Variants in PTPRK observed in about 807,000 individuals in gnomAD.
PTPRK encodes receptor-type tyrosine-protein phosphatase kappa.
A neutral mutation model predicts 178.0 loss-of-function variants in PTPRK; 75 were observed. The ratio of observed to expected loss-of-function variants is 0.42; its 90% confidence interval spans 0.35 to 0.51. The LOEUF (loss-of-function observed/expected upper bound fraction) is 0.51, where lower values mean the gene tolerates loss of function less well. PTPRK is among the 20% of genes least tolerant of loss of function. The pLI, the probability that PTPRK is intolerant of heterozygous loss-of-function variation, is 0.02. For missense variants in PTPRK, 1,441 were observed against 1,797.8 expected (o/e 0.80, Z 3.59); for synonymous variants, 637 against 620.6 (o/e 1.03, Z -0.39).
chr6:128,066,835 T>C (rs922916906), intron 12 of PTPRK, among the ~76,000 whole-genome samples: 6 of 152,198 alleles, frequency 3.9e-5, no homozygotes, highest in African/African-American at 1.2e-4. Flanking sequence ...TCGTTTCTAA[T>C]GTCCTGTTGT....
At chr6:128,167,699 T>C (rs1422325363) in intron 7 of PTPRK, among the ~76,000 whole-genome samples, 1 of 152,046 alleles carries the variant, frequency 6.6e-6, no homozygotes, top group Admixed American at 6.6e-5. Context: ...AATACTCTAG[T>C]AGGGCAAGAT....
At chr6:128,018,122 T>G (rs1779823813) in intron 13 of PTPRK, among the ~76,000 whole-genome samples, 1 of 151,854 alleles carries the variant, frequency 6.6e-6, no homozygotes, top group Admixed American at 6.6e-5. Context: ...CAACTCACAC[T>G]AGGTCTGGAG....
At chr6:128,290,491 C>A (rs1353148589) in intron 3 of PTPRK, among the ~76,000 whole-genome samples, 2 of 152,036 alleles carry the variant, frequency 1.3e-5, no homozygotes, top group Non-Finnish European at 1.5e-5. Context: ...CCCAGTCCTA[C>A]CGTGTCAGAA....
At chr6:128,515,874 C>G (rs1270391255) in intron 1 of PTPRK, among the ~76,000 whole-genome samples, 2 of 152,168 alleles carry the variant, frequency 1.3e-5, no homozygotes, top group Non-Finnish European at 1.5e-5. Flanking sequence ...TGTTCACTGT[C>G]TTTAATACCA....
intron 15 of PTPRK, among the ~76,000 whole-genome samples, chr6:128,004,440 T>G (rs1778194329): frequency 6.6e-6 from 1 of 151,818 alleles, no homozygotes; most frequent in Admixed American, 6.6e-5. Flanking sequence ...AGCGGAAATA[T>G]TTTAAAAGCC....
intron 1 of PTPRK, among the ~76,000 whole-genome samples, chr6:128,407,653 A>AGAAG (rs1278585152): frequency 6.8e-6 from 1 of 147,628 alleles, no homozygotes; most frequent in African/African-American, 2.5e-5. Context: ...AAAAAAAAAA[A>AGAAG]AAGAAGAAGA....
intron 3 of PTPRK, among the ~76,000 whole-genome samples, chr6:128,297,676 A>G (rs1416424445): frequency 1.3e-5 from 2 of 152,216 alleles, no homozygotes; most frequent in African/African-American, 4.8e-5. Context: ...TTTGAAACCA[A>G]TGAGAACAAA....
At chr6:128,220,065 C>T (rs1810113037) in intron 5 of PTPRK, among the ~76,000 whole-genome samples, 2 of 151,712 alleles carry the variant, frequency 1.3e-5, no homozygotes, top group African/African-American at 4.8e-5. Flanking sequence ...TCAGCATATC[C>T]CAGACAAGAG....
intron 7 of PTPRK, among the ~76,000 whole-genome samples, chr6:128,171,952 CTCG>C (rs969081683): frequency 5.9e-5 from 9 of 151,896 alleles, no homozygotes; most frequent in African/African-American, 1.9e-4. Flanking sequence ...GCACTTCTAA[CTCG>C]TCTTCTTAAA....
chr6:128,242,384 A>T, intron 4 of PTPRK, 137 bp downstream of exon 4: 2 of 1,174,606 alleles, frequency 1.7e-6, no homozygotes, highest in Non-Finnish European at 2.2e-6. Context: ...GTTTCCTTTT[A>T]AAACTCAATA....
At chr6:128,401,404 G>C (rs1840998914) in intron 1 of PTPRK, among the ~76,000 whole-genome samples, 1 of 152,152 alleles carries the variant, frequency 6.6e-6, no homozygotes, top group South Asian at 2.1e-4. Context: ...TATTTAAACA[G>C]AGGGTAAAAG....
intron 2 of PTPRK, among the ~76,000 whole-genome samples, chr6:128,340,581 T>G (rs1264213720): frequency 6.6e-6 from 1 of 152,158 alleles, no homozygotes; most frequent in Non-Finnish European, 1.5e-5. Flanking sequence ...CAGACCTCAG[T>G]GTTAAGTTGA....
At chr6:128,290,585 T>C (rs1823220908) in intron 3 of PTPRK, among the ~76,000 whole-genome samples, 1 of 152,062 alleles carries the variant, frequency 6.6e-6, no homozygotes, top group South Asian at 2.1e-4. Flanking sequence ...TGGGAAACCC[T>C]GGTGTAGAGA....
intron 13 of PTPRK, among the ~76,000 whole-genome samples, chr6:128,057,742 A>C (rs1780141107): frequency 6.6e-6 from 1 of 152,214 alleles, no homozygotes; most frequent in South Asian, 2.1e-4. Flanking sequence ...TGAGAACAGG[A>C]CAACTCACAG....
intron 7 of PTPRK, among the ~76,000 whole-genome samples, chr6:128,128,738 T>G (rs1426046646): frequency 6.6e-6 from 1 of 152,220 alleles, no homozygotes; most frequent in African/African-American, 2.4e-5. Context: ...TTTGAAGGAA[T>G]TTTTCTGTTG....
intron 11 of PTPRK, among the ~76,000 whole-genome samples, chr6:128,073,665 G>C (rs1400125302): frequency 6.6e-6 from 1 of 151,966 alleles, no homozygotes; most frequent in Non-Finnish European, 1.5e-5. Context: ...GCAAGCTGTG[G>C]ACTGGGATTC....
chr6:128,451,098 T>G (rs2128406238), intron 1 of PTPRK, among the ~76,000 whole-genome samples: 1 of 152,268 alleles, frequency 6.6e-6, no homozygotes, highest in South Asian at 2.1e-4. Flanking sequence ...CCAAAAACGG[T>G]ATACTAAAAA....
intron 3 of PTPRK, among the ~76,000 whole-genome samples, chr6:128,308,882 G>A (rs557233403): frequency 2.0e-5 from 3 of 152,284 alleles, no homozygotes; most frequent in Non-Finnish European, 4.4e-5. Flanking sequence ...TTTGCAAAGA[G>A]ACAGGTAGGC....
intron 13 of PTPRK, among the ~76,000 whole-genome samples, chr6:128,034,118 C>T (rs972101761): frequency 4.6e-5 from 7 of 152,246 alleles, no homozygotes; most frequent in South Asian, 4.1e-4. Context: ...TAGACTAAAC[C>T]GTTCTCAAAC....
Sources: gnomAD v4.1 joint callset for allele counts (sites outside exome capture counted in the v4.1 genomes callset) on GRCh38, gnomAD v4.1.1 for gene constraint, MANE v1.5 for transcripts, NCBI Gene and HGNC (gene_info 2026-07-23, HGNC 2026-07-21) for gene names.